ERBB4: variants seen among roughly 807,000 people sequenced by gnomAD.
ERBB4 encodes the protein receptor tyrosine-protein kinase erbB-4.
In ERBB4, 42 loss-of-function variants were observed where a neutral mutation model predicts 158.0. The observed-to-expected ratio is 0.27, with a 90% CI of 0.21 to 0.34. ERBB4 has a LOEUF of 0.34. Among genes scored for constraint, ERBB4 ranks in the 10% least tolerant of loss-of-function variants. The pLI is 1.00. For missense variants in ERBB4, 1,333 were observed against 1,624.1 expected, an observed-to-expected ratio of 0.82 and a Z score of 3.08; for synonymous variants, 583 against 558.7, an observed-to-expected ratio of 1.04 and a Z score of -0.61.
chr2:212,012,847 C>T (rs905722911), intron 2 of ERBB4, among the ~76,000 whole-genome samples: 3 of 151,980 alleles, frequency 2.0e-5, no homozygotes, highest in Non-Finnish European at 4.4e-5. Flanking sequence ...CAGGCCCAAG[C>T]AATCCTCCCA....
intron 19 of ERBB4, among the ~76,000 whole-genome samples, chr2:211,586,195 A>G (rs2068271813): frequency 6.6e-6 from 1 of 152,212 alleles, no homozygotes; most frequent in Non-Finnish European, 1.5e-5. Flanking sequence ...AACTTCATGT[A>G]AACATAGTTA....
At chr2:212,531,355 C>T (rs1205385277) in intron 1 of ERBB4, among the ~76,000 whole-genome samples, 2 of 152,134 alleles carry the variant, frequency 1.3e-5, no homozygotes, top group African/African-American at 4.8e-5. Flanking sequence ...TAGCATCTTA[C>T]AGAAGCCAAC....
At chr2:211,892,763 A>G (rs973290804) in intron 3 of ERBB4, among the ~76,000 whole-genome samples, 2 of 144,430 alleles carry the variant, frequency 1.4e-5, no homozygotes, top group East Asian at 1.9e-4. Context: ...TTATACACCA[A>G]CAACAGACAA....
chr2:212,133,868 C>T (rs983703766), intron 1 of ERBB4, among the ~76,000 whole-genome samples: 2 of 152,242 alleles, frequency 1.3e-5, no homozygotes, highest in Non-Finnish European at 2.9e-5. Context: ...ACACTGGTTC[C>T]TCCATTTTTA....
intron 2 of ERBB4, among the ~76,000 whole-genome samples, chr2:212,084,700 C>T (rs1222699225): frequency 1.3e-5 from 2 of 151,916 alleles, no homozygotes; most frequent in African/African-American, 4.8e-5. Flanking sequence ...CAAACATCTT[C>T]ATCTGAAACA....
chr2:211,607,234 C>G (rs926308421), intron 19 of ERBB4, among the ~76,000 whole-genome samples: 1 of 152,100 alleles, frequency 6.6e-6, no homozygotes, highest in Non-Finnish European at 1.5e-5. Context: ...GACCATAAAT[C>G]CCAAATGTTT....
intron 4 of ERBB4, among the ~76,000 whole-genome samples, chr2:211,772,818 TATATATATATATATATACAC>T (rs1300678840): frequency 0.23 from 5,305 of 23,288 alleles, 670 homozygotes; most frequent in Non-Finnish European, 0.27. Context: ...GATATATATA[TATATATATATATATATACAC>T]ATATATATAT....
intron 17 of ERBB4, 59 bp from the exon 18 acceptor site, chr2:211,624,103 G>GTCTC (rs146953835): frequency 3.4e-5 from 48 of 1,394,480 alleles, no homozygotes; most frequent in East Asian, 5.3e-5. Flanking sequence ...CTCTCTCTCT[G>GTCTC]TCTCTCTCTC....
chr2:212,467,275 A>G (rs1039640008), intron 1 of ERBB4, among the ~76,000 whole-genome samples: 4 of 152,206 alleles, frequency 2.6e-5, no homozygotes, highest in African/African-American at 9.7e-5. Context: ...GTTAATCACC[A>G]AGACAATGGG....
chr2:212,021,575 G>C (rs2076650414), intron 2 of ERBB4, among the ~76,000 whole-genome samples: 1 of 152,086 alleles, frequency 6.6e-6, no homozygotes. Context: ...ATTTACTCTA[G>C]ATGGATTAAA....
chr2:211,720,262 C>T (rs2074051694), intron 7 of ERBB4, among the ~76,000 whole-genome samples: 1 of 152,218 alleles, frequency 6.6e-6, no homozygotes, highest in Admixed American at 6.5e-5. Context: ...TGTATTAGCA[C>T]ATTCCAGCCC....
chr2:212,035,260 T>C (rs1354068943), intron 2 of ERBB4, among the ~76,000 whole-genome samples: 1 of 152,222 alleles, frequency 6.6e-6, no homozygotes, highest in African/African-American at 2.4e-5. Flanking sequence ...CAGGTTCTTA[T>C]CTCATTCCTC....
intron 26 of ERBB4, among the ~76,000 whole-genome samples, 192 bp from the exon 27 acceptor site, chr2:211,387,342 T>G (rs1490187139): frequency 1.3e-5 from 2 of 152,198 alleles, no homozygotes; most frequent in East Asian, 1.9e-4. Flanking sequence ...TCTTAAAAGA[T>G]AAATCATCAG....
At chr2:212,538,333 C>T (rs937448644) in intron 1 of ERBB4, 116 bp downstream of exon 1, 10 of 890,090 alleles carry the variant, frequency 1.1e-5, no homozygotes, top group Non-Finnish European at 1.9e-5. Context: ...GGAAGAGGCC[C>T]CGGTCAAGCG....
chr2:212,012,686 C>A (rs2076417550), intron 2 of ERBB4, among the ~76,000 whole-genome samples: 1 of 152,064 alleles, frequency 6.6e-6, no homozygotes, highest in African/African-American at 2.4e-5. Context: ...GCACTAGGAC[C>A]ACAGGCGTGA....
intron 3 of ERBB4, among the ~76,000 whole-genome samples, chr2:211,836,869 T>C (rs2077354983): frequency 6.6e-6 from 1 of 151,970 alleles, no homozygotes. Flanking sequence ...GAAGCTTTAG[T>C]TTTAATAAGA....
chr2:211,581,869 G>C (rs1303952061), intron 19 of ERBB4, among the ~76,000 whole-genome samples: 1 of 151,988 alleles, frequency 6.6e-6, no homozygotes, highest in South Asian at 2.1e-4. Context: ...AATTAGCTAG[G>C]TGTGGTGGCT....
chr2:211,625,497 ACT>A (rs2069808120), intron 17 of ERBB4, among the ~76,000 whole-genome samples: 1 of 152,128 alleles, frequency 6.6e-6, no homozygotes, highest in South Asian at 2.1e-4. Flanking sequence ...TTATCTTCAA[ACT>A]CTTCTTTAAT....
At chr2:212,206,486 T>A (rs1416685456) in intron 1 of ERBB4, among the ~76,000 whole-genome samples, 1 of 152,162 alleles carries the variant, frequency 6.6e-6, no homozygotes, top group African/African-American at 2.4e-5. Context: ...AATCTCATTA[T>A]TATTATAAAT....
Sources: allele counts gnomAD v4.1 joint callset (sites outside exome capture counted in the v4.1 genomes callset), GRCh38; gene constraint gnomAD v4.1.1; transcripts MANE v1.5; gene names NCBI Gene and HGNC (gene_info 2026-07-23, HGNC 2026-07-21).